Variants in CACNB2 observed in about 807,000 individuals in gnomAD.
The protein encoded by CACNB2 is voltage-dependent L-type calcium channel subunit beta-2.
A neutral mutation model predicts 73.3 loss-of-function variants in CACNB2; 42 were observed. That is an observed-to-expected ratio of 0.57 (90% CI 0.45 to 0.74). The LOEUF is 0.74. Among genes scored for constraint, CACNB2 ranks in the 30% least tolerant of loss-of-function variants. The pLI, the probability that CACNB2 is intolerant of heterozygous loss-of-function variation, is 0.00. For missense variants in CACNB2, 940 were observed against 853.0 expected (o/e 1.10, Z -1.27); for synonymous variants, 348 against 310.3 (o/e 1.12, Z -1.28).
intron 3 of CACNB2, among the ~76,000 whole-genome samples, chr10:18,478,193 A>C (rs2132814147): frequency 6.6e-6 from 1 of 152,202 alleles, no homozygotes; most frequent in African/African-American, 2.4e-5. Flanking sequence ...CAGCCTCCGA[A>C]GGTGCTGGGA....
intron 2 of CACNB2, chr10:18,206,283 G>A (rs569000763): frequency 3.4e-4 from 52 of 152,464 alleles, no homozygotes; most frequent in African/African-American, 1.2e-3. Context: ...GTGAGCCACT[G>A]CGCATGGCCA....
chr10:18,165,860 C>T (rs2032814831), intron 2 of CACNB2, among the ~76,000 whole-genome samples: 1 of 152,152 alleles, frequency 6.6e-6, no homozygotes, highest in Admixed American at 6.5e-5. Flanking sequence ...CATGTCTTTT[C>T]ATTTCCTTTG....
At position 18,252,476 on chromosome 10, in the gene CACNB2, T is replaced by G. The variant is rs546585331; in HGVS notation, c.213+101501T>G. On this transcript the variant is annotated intron_variant, in intron 2 of 13. Transcript: ENST00000324631. ...TGGCTCATAGTAAGAAGTACTTCCA[T>G]TATTATGGGATGCATTTCGAGCCTT... 2.0e-5 allele frequency among the ~76,000 whole-genome samples: 3 copies of G among 152,334 alleles called. No homozygotes were observed. The East Asian group carries it at 5.8e-4, about 29-fold the overall frequency.
At chr10:18,338,697 C>CCTGA (rs1554795730) in intron 2 of CACNB2, among the ~76,000 whole-genome samples, 2 of 145,702 alleles carry the variant, frequency 1.4e-5, no homozygotes, top group Non-Finnish European at 3.0e-5. Context: ...TTCCTTCCTT[C>CCTGA]CTTCCTGACT....
chr10:18,316,610 C>T (rs763338762), intron 2 of CACNB2, among the ~76,000 whole-genome samples: 1 of 151,958 alleles, frequency 6.6e-6, no homozygotes. Flanking sequence ...ACTACAGATA[C>T]ATGGCACTAT....
chr10:18,387,103 T>G (rs562070608), intron 2 of CACNB2, among the ~76,000 whole-genome samples: 2 of 152,342 alleles, frequency 1.3e-5, no homozygotes, highest in East Asian at 3.9e-4. Context: ...GCCGTCATCT[T>G]GGTCACTAAG....
chr10:18,468,841 C>T (rs1295279085), intron 3 of CACNB2, among the ~76,000 whole-genome samples: 1 of 152,068 alleles, frequency 6.6e-6, no homozygotes, highest in Admixed American at 6.6e-5. Flanking sequence ...TCAGGTGATT[C>T]GCCCGCCCTA....
At chr10:18,362,825 T>G (rs2132230354) in intron 2 of CACNB2, among the ~76,000 whole-genome samples, 1 of 152,204 alleles carries the variant, frequency 6.6e-6, no homozygotes, top group Admixed American at 6.5e-5. Flanking sequence ...AGAGAATCAC[T>G]TGAACCCGGC....
chr10:18,173,658 A>T (rs908430203), intron 2 of CACNB2, among the ~76,000 whole-genome samples: 3 of 152,216 alleles, frequency 2.0e-5, no homozygotes, highest in Non-Finnish European at 4.4e-5. Context: ...TTAGCATTAT[A>T]TAATGAATCA....
chr10:18,347,344 A>ATTTTTTTTTTTTTTTTTTTTTTT (rs201654242), intron 2 of CACNB2, among the ~76,000 whole-genome samples: 1 of 120,824 alleles, frequency 8.3e-6, no homozygotes, highest in African/African-American at 3.1e-5. Context: ...TGCCCGTCTA[A>ATTTTTTTTTTTTTTTTTTTTTTT]TTTTTTTTTT....
intron 2 of CACNB2, among the ~76,000 whole-genome samples, chr10:18,193,429 C>T (rs1434148580): frequency 6.6e-6 from 1 of 152,086 alleles, no homozygotes; most frequent in Non-Finnish European, 1.5e-5. Context: ...TTTATTAGGC[C>T]ATTCCTGGTT....
chr10:18,360,939 G>A (rs1589137631), intron 2 of CACNB2, among the ~76,000 whole-genome samples: 1 of 152,268 alleles, frequency 6.6e-6, no homozygotes, highest in East Asian at 1.9e-4. Context: ...AAGCCAAGAG[G>A]TTTTGTCCAC....
At chr10:18,530,178 C>T (rs370987283) in intron 10 of CACNB2, among the ~76,000 whole-genome samples, 23 of 152,226 alleles carry the variant, frequency 1.5e-4, no homozygotes, top group South Asian at 4.2e-4. Context: ...GATGAGATTT[C>T]GGTGGGCACA....
At chr10:18,279,067 ACCT>A (rs1293432987) in intron 2 of CACNB2, among the ~76,000 whole-genome samples, 1 of 151,894 alleles carries the variant, frequency 6.6e-6, no homozygotes, top group Non-Finnish European at 1.5e-5. Flanking sequence ...CATATTGGAA[ACCT>A]CCTGAATTCT....
In CACNB2 at chr10:18,289,284, G is replaced by GTTTTTTTTTTTTT. The variant is rs1489491866; in HGVS notation, c.214-112633_214-112632insTTTTTTTTTTTTT. Among the ~76,000 whole-genome samples the GTTTTTTTTTTTTT allele has an allele frequency of 3.0e-4, 26 of 85,542 alleles. 2 individuals are homozygous for GTTTTTTTTTTTTT. Among genetic ancestry groups the GTTTTTTTTTTTTT allele is most frequent in the African/African-American group, 1.3e-3 (22 of 17,146 alleles). The allele number at this position is 85,542 out of a possible 152,430, so 56.1% of individuals were successfully genotyped here. A position where few individuals can be genotyped will look rare whatever the true frequency, so the allele number is the denominator to read the frequency against. On this transcript the variant is annotated intron_variant, in intron 2 of 13. Coordinates refer to ENST00000324631, the MANE Select transcript of CACNB2 (RefSeq NM_201596.3). ...GAAGTTGTCTTCATTTTTTTTTCTTGTTTTTTTGTTTTGTTTTTTTTTTTT... is the reference window on the plus strand; with the variant it reads ...GAAGTTGTCTTCATTTTTTTTTCTTGTTTTTTTTTTTTTTTTTTTTGTTTTGTTTTTTTTTTTT...
intron 3 of CACNB2, among the ~76,000 whole-genome samples, chr10:18,446,272 G>C (rs1326879476): frequency 1.3e-5 from 2 of 152,186 alleles, no homozygotes; most frequent in Non-Finnish European, 2.9e-5. Flanking sequence ...GGTATTTTCT[G>C]TGTGATTGAC....
At chr10:18,464,501 C>G (rs1241649441) in intron 3 of CACNB2, among the ~76,000 whole-genome samples, 2 of 150,646 alleles carry the variant, frequency 1.3e-5, no homozygotes, top group East Asian at 3.9e-4. Flanking sequence ...TCCAAGCTTC[C>G]CCACTTGTAT....
intron 2 of CACNB2, among the ~76,000 whole-genome samples, chr10:18,195,451 CCA>C (rs1210999030): frequency 1.3e-5 from 2 of 152,172 alleles, no homozygotes; most frequent in African/African-American, 4.8e-5. Flanking sequence ...AGGCGAGATC[CCA>C]GTTCTAGTTC....
intron 2 of CACNB2, among the ~76,000 whole-genome samples, chr10:18,180,008 A>G (rs2033793685): frequency 2.0e-5 from 3 of 152,288 alleles, no homozygotes; most frequent in South Asian, 2.1e-4. Flanking sequence ...TGGCATGACT[A>G]CAGGTCTGCT....
Sources: allele counts gnomAD v4.1 joint callset (sites outside exome capture counted in the v4.1 genomes callset), GRCh38; gene constraint gnomAD v4.1.1; transcripts MANE v1.5; gene names NCBI Gene and HGNC (gene_info 2026-07-23, HGNC 2026-07-21).